ACSS2: variants seen among roughly 807,000 people sequenced by gnomAD.
ACSS2 encodes the protein acyl-CoA synthetase short chain family member 2.
A neutral mutation model predicts 90.6 loss-of-function variants in ACSS2; 58 were observed. That is an observed-to-expected ratio of 0.64 (90% CI 0.52 to 0.80). ACSS2 has a LOEUF of 0.80. ACSS2 is among the 30% of genes least tolerant of loss of function. ACSS2 has a pLI of 0.00. For missense variants in ACSS2, 759 were observed against 912.0 expected (o/e 0.83, Z 2.16); for synonymous variants, 300 against 330.9 (o/e 0.91, Z 1.01).
At chr20:34,888,312 C>T (rs1048946855) in intron 2 of ACSS2, among the ~76,000 whole-genome samples, 2 of 151,890 alleles carry the variant, frequency 1.3e-5, no homozygotes, top group African/African-American at 2.4e-5. Flanking sequence ...AACTGTTAAA[C>T]GTGGATAAAA....
rs768795904 is a variant in ACSS2 at position 34,923,431 on chromosome 20, G to A, written c.1657G>A (p.Gly553Ser). ...TCCTGGATACTATGTTACAGGAGATGGTGAGCCTTAGCTATCCCCCTCTTG... is the reference window on the plus strand; with the variant it reads ...TCCTGGATACTATGTTACAGGAGATAGTGAGCCTTAGCTATCCCCCTCTTG... Reference protein sequence around the residue: ...KFPGYYVTGDGCQRDQDGYYW... With the variant: ...KFPGYYVTGDSCQRDQDGYYW... Residue 553 changes from glycine (G) to serine (S), a missense_variant and splice_region_variant, in exon 14 of 18, where the codon GGC becomes AGC. Physicochemically the swap from Gly to Ser is moderately conservative, Grantham distance 56. Transcript: ENST00000360596. The A allele has an allele frequency of 1.2e-6, 2 of 1,611,388 alleles. No individual in the cohort carries two copies. The highest frequency in any genetic ancestry group is 1.1e-5 in the South Asian group (1 of 90,948).
rs1334643686 is a variant in ACSS2 at position 34,914,135 on chromosome 20, A to T, written c.683A>T (p.Glu228Val). 6 of 1,614,160 alleles carry T rather than the reference A, an allele frequency of 3.7e-6. No homozygotes were observed. ...GGGGAAAAGCTTGTGAACCTGAAGG[A>T]GCTGGCTGACGAGGCCCTGCAGAAG... ...YRGEKLVNLK[E>V]LADEALQKCQ... is the part of the protein sequence containing the mutation. Residue 228 changes from glutamate (E) to valine (V), a missense_variant, in exon 6 of 18, where the codon GAG becomes GTG. Transcript: ENST00000360596.
chr20:34,913,548 G>A (rs778663088), intron 4 of ACSS2, 52 bp downstream of exon 4: 11 of 1,553,220 alleles, frequency 7.1e-6, no homozygotes, highest in Non-Finnish European at 8.8e-6. Flanking sequence ...GGGCTCTGGA[G>A]AAGTAGGTTG....
intron 2 of ACSS2, among the ~76,000 whole-genome samples, chr20:34,883,877 G>T (rs2080127191): frequency 6.6e-6 from 1 of 152,110 alleles, no homozygotes; most frequent in African/African-American, 2.4e-5. Flanking sequence ...CCAATAATTG[G>T]GGTGTTGCTT....
At chr20:34,878,829 T>C (rs1418768143) in intron 1 of ACSS2, among the ~76,000 whole-genome samples, 1 of 152,158 alleles carries the variant, frequency 6.6e-6, no homozygotes, top group Non-Finnish European at 1.5e-5. Context: ...TATGCTTTCA[T>C]ATGTCACTGC....
In ACSS2 at chr20:34,910,328, G is replaced by A. The variant is rs529024698; in HGVS notation, c.375-2768G>A. ...GAATGGTCCTGTCTGAATATTGATT[G>A]TTTCTGGAAAGTCACACAGAATATT... On this transcript the variant is annotated intron_variant, in intron 2 of 17. Coordinates refer to ENST00000360596, the MANE Select transcript of ACSS2 (RefSeq NM_018677.4). Among the ~76,000 whole-genome samples the A allele has an allele frequency of 8.5e-5, 13 of 152,254 alleles. 1 individual carries two copies. The South Asian group carries it at 2.7e-3, about 32-fold the overall frequency.
intron 2 of ACSS2, among the ~76,000 whole-genome samples, chr20:34,894,608 T>G (rs936773718): frequency 6.6e-6 from 1 of 152,098 alleles, no homozygotes; most frequent in Non-Finnish European, 1.5e-5. Context: ...GAGGCTGCAG[T>G]GAGCGGTGAT....
At chr20:34,876,607 C>G (rs2079914564), upstream of ACSS2, 1 of 1,296,782 alleles carries the variant, frequency 7.7e-7, no homozygotes, top group Non-Finnish European at 9.8e-7. Flanking sequence ...GCACCCGCCG[C>G]GACCGCAAAG....
chr20:34,893,580 T>C (rs922988728), intron 2 of ACSS2: 1 of 148,316 alleles, frequency 6.7e-6, no homozygotes, highest in African/African-American at 2.5e-5. Context: ...GGAGACGTGG[T>C]TTTGCCATGT....
At chr20:34,880,569 TAAA>T (rs111992036) in intron 1 of ACSS2, among the ~76,000 whole-genome samples, 20 of 145,844 alleles carry the variant, frequency 1.4e-4, no homozygotes, top group Admixed American at 1.2e-3. Context: ...TAATAGAAAT[TAAA>T]AAAAAAAAGT....
chr20:34,875,185 GGCTAGAGAGAA>G (rs1372827242), upstream of ACSS2: 1 of 534,496 alleles, frequency 1.9e-6, no homozygotes, highest in Non-Finnish European at 3.8e-6. Flanking sequence ...GGGGTGGAGG[GGCTAGAGAGAA>G]GCTAGAGGTA....
intron 2 of ACSS2, among the ~76,000 whole-genome samples, chr20:34,885,115 G>C (rs757492944): frequency 2.6e-5 from 4 of 151,994 alleles, no homozygotes; most frequent in Non-Finnish European, 5.9e-5. Flanking sequence ...TGGGAGGATT[G>C]CTTGAGCCCA....
chr20:34,903,870 CAAA>C (rs11474981), intron 2 of ACSS2, among the ~76,000 whole-genome samples: 21 of 93,478 alleles, frequency 2.2e-4, no homozygotes, highest in Admixed American at 3.7e-4. Flanking sequence ...GACATTGTCT[CAAA>C]AAAAAAAAAA....
In ACSS2 at chr20:34,882,977, T is replaced by C. The variant is rs780393103; in HGVS notation, c.362T>C (p.Val121Ala). The stretch of plus-strand genomic sequence containing the variant: ...CATGAGAAAAAGCTTGGAGATAAAG[T>C]TGCTTTTTACTGGTAAAAATATCTA... ...NVHEKKLGDK[V>A]AFYWEGNEPG... Residue 121 changes from valine to alanine, a missense_variant, in exon 2 of 18, where the codon GTT becomes GCT. Coordinates refer to ENST00000360596, the MANE Select transcript of ACSS2 (RefSeq NM_018677.4). 1.2e-6 allele frequency: 2 copies of C among 1,602,972 alleles called. No individual in the cohort carries two copies. Among genetic ancestry groups the C allele is most frequent in the Non-Finnish European group, 1.7e-6 (2 of 1,176,952 alleles).
At chr20:34,903,668 C>T (rs1338066669) in intron 2 of ACSS2, among the ~76,000 whole-genome samples, 1 of 152,100 alleles carries the variant, frequency 6.6e-6, no homozygotes, top group African/African-American at 2.4e-5. Context: ...TTTCCCTCAG[C>T]TGTTTCTTCC....
At chr20:34,898,971 C>T (rs536181833) in intron 2 of ACSS2, among the ~76,000 whole-genome samples, 8 of 152,314 alleles carry the variant, frequency 5.3e-5, no homozygotes, top group South Asian at 4.1e-4. Flanking sequence ...TAAGGCCTGG[C>T]GAGAAATGGA....
Position 34,919,578 on chromosome 20 carries a change from TGTG to T in ACSS2, c.972+7_972+9del, listed in dbSNP as rs1217077905. The T allele has an allele frequency of 1.8e-5, 4 of 216,776 alleles. No homozygotes were observed. Among genetic ancestry groups the T allele is most frequent in the Admixed American group, 1.9e-4 (2 of 10,588 alleles). 13.4% of individuals were successfully genotyped at this position (216,776 alleles called of 1,614,324 possible). A position where few individuals can be genotyped will look rare whatever the true frequency, so the allele number is the denominator to read the frequency against. On this transcript the variant is annotated splice_region_variant and intron_variant, in intron 8 of 17. Coordinates refer to ENST00000360596, the MANE Select transcript of ACSS2 (RefSeq NM_018677.4). ...GCTCCACAGGCAAACCCAAGGCAAG[TGTG>T]TGTGTGTGTGTGTGTGTGTGTGTGT...
intron 1 of ACSS2, among the ~76,000 whole-genome samples, chr20:34,880,973 G>T (rs1462276987): frequency 6.7e-6 from 1 of 149,524 alleles, no homozygotes; most frequent in African/African-American, 2.5e-5. Context: ...AATCTGTAAG[G>T]TTACTTCCAT....
chr20:34,906,301 C>T (rs2080801970), intron 2 of ACSS2, among the ~76,000 whole-genome samples: 1 of 149,450 alleles, frequency 6.7e-6, no homozygotes, highest in Admixed American at 6.7e-5. Flanking sequence ...CGGCACTGCA[C>T]TCCAGCCTGG....
Sources: allele counts gnomAD v4.1 joint callset (sites outside exome capture counted in the v4.1 genomes callset), GRCh38; gene constraint gnomAD v4.1.1; transcripts MANE v1.5; gene names NCBI Gene and HGNC (gene_info 2026-07-23, HGNC 2026-07-21).